DAB1: variants seen among roughly 807,000 people sequenced by gnomAD.
DAB1 encodes disabled homolog 1.
In DAB1, 15 loss-of-function variants were observed where a neutral mutation model predicts 64.6. That is an observed-to-expected ratio of 0.23 (90% confidence interval 0.16 to 0.36). The LOEUF is 0.36. DAB1 is among the 10% of genes least tolerant of loss of function. The pLI is 1.00. For synonymous variants in DAB1, 235 were observed against 251.9 expected, an observed-to-expected ratio of 0.93 and a Z score of 0.64; for missense variants, 596 against 706.7, an observed-to-expected ratio of 0.84 and a Z score of 1.78.
rs146579500 is a variant in DAB1, at chr1:58,018,635, C to T, written n.387+131876G>A. On this transcript the variant is annotated intron_variant and non_coding_transcript_variant, in intron 5 of 20. Transcript: ENST00000485760. ...TGGGGACAAGCTAAACTGAAATTTC[C>T]AGAACTAGGGATTTATTTAACAAAT... 1.5e-3 allele frequency among the ~76,000 whole-genome samples: 222 copies of T among 152,224 alleles called. 1 individual carries two copies. Among genetic ancestry groups the T allele is most frequent in the African/African-American group, 5.2e-3 (214 of 41,540 alleles).
chr1:57,162,929 G>A (rs1489502792), intron 2 of DAB1, among the ~76,000 whole-genome samples: 1 of 152,224 alleles, frequency 6.6e-6, no homozygotes, highest in East Asian at 1.9e-4. Context: ...GGTTTAAGTA[G>A]AATGTGCTGG....
At chr1:58,465,061 C>T (rs776131064) in intron 3 of DAB1, among the ~76,000 whole-genome samples, 25 of 152,212 alleles carry the variant, frequency 1.6e-4, no homozygotes, top group Non-Finnish European at 3.1e-4. Context: ...TGCACACATT[C>T]TCAGCCTGGG....
intron 1 of DAB1, among the ~76,000 whole-genome samples, chr1:57,314,274 T>A (rs1212044439): frequency 6.6e-6 from 1 of 152,268 alleles, no homozygotes; most frequent in African/African-American, 2.4e-5. Flanking sequence ...GGAAACTTTG[T>A]CAAAATTGTC....
chr1:57,268,170 T>C (rs947602087), intron 2 of DAB1, among the ~76,000 whole-genome samples: 1 of 152,258 alleles, frequency 6.6e-6, no homozygotes, highest in South Asian at 2.1e-4. Context: ...AGAATTCTGA[T>C]GCAGGGAACA....
intron 7 of DAB1, among the ~76,000 whole-genome samples, chr1:57,636,121 A>AAC (rs1646053752): frequency 6.7e-6 from 1 of 150,226 alleles, no homozygotes; most frequent in Non-Finnish European, 1.5e-5. Context: ...AAACAAAAAC[A>AAC]AAAAACTGGT....
chr1:58,073,595 A>T (rs75027523), intron 5 of DAB1, among the ~76,000 whole-genome samples: 4,347 of 152,292 alleles, frequency 0.029, 193 homozygotes, highest in African/African-American at 0.099. Context: ...TAGACAGATT[A>T]AATGTTGACC....
intron 7 of DAB1, among the ~76,000 whole-genome samples, chr1:57,648,995 T>TGA (rs1165513630): frequency 6.6e-6 from 1 of 152,170 alleles, no homozygotes; most frequent in East Asian, 1.9e-4. Flanking sequence ...GAATAGGCGT[T>TGA]TTCAATTGTG....
intron 7 of DAB1, among the ~76,000 whole-genome samples, chr1:57,546,103 GCA>G (rs1298024209): frequency 1.9e-4 from 28 of 151,034 alleles, no homozygotes; most frequent in African/African-American, 3.2e-4. Flanking sequence ...GTGTGTGCGC[GCA>G]CGTGTGCATG....
intron 6 of DAB1, among the ~76,000 whole-genome samples, chr1:57,720,682 G>T (rs1647139489): frequency 6.6e-6 from 1 of 152,204 alleles, no homozygotes; most frequent in Non-Finnish European, 1.5e-5. Flanking sequence ...TTGGCACAAT[G>T]CCTGTCACAT....
In DAB1 at chr1:57,178,583, G is replaced by C. The variant is rs552684378; in HGVS notation, c.68-33154C>G. On this transcript the variant is annotated intron_variant, in intron 2 of 14. Coordinates refer to ENST00000371236, the MANE Select transcript of DAB1 (RefSeq NM_001365792.1). ...TTTATGGATAAAACTATAGAGAAAA[G>C]CAAGGAAGTATTATGAAAGACAGGA... is the stretch of plus-strand genomic sequence containing the variant. 6.8e-4 allele frequency among the ~76,000 whole-genome samples: 104 copies of C among 152,246 alleles called. 1 individual carries two copies. Among genetic ancestry groups the C allele is most frequent in the African/African-American group, 2.4e-3 (101 of 41,556 alleles).
At chr1:57,902,099 G>A (rs1320268559) in intron 5 of DAB1, among the ~76,000 whole-genome samples, 7 of 150,618 alleles carry the variant, frequency 4.6e-5, no homozygotes, top group East Asian at 2.0e-4. Context: ...GGAGGTTGCC[G>A]TGAGCCAAGA....
intron 4 of DAB1, among the ~76,000 whole-genome samples, chr1:58,210,811 C>T (rs1658516194): frequency 6.6e-6 from 1 of 152,134 alleles, no homozygotes. Context: ...GAAAATGACT[C>T]ATGACCAAGT....
upstream of DAB1, among the ~76,000 whole-genome samples, chr1:57,885,435 T>C (rs1386697873): frequency 6.6e-6 from 1 of 152,150 alleles, no homozygotes; most frequent in Non-Finnish European, 1.5e-5. Flanking sequence ...TGGCTTATTA[T>C]TGATGGTATA....
intron 12 of DAB1, 53 bp from the exon 13 acceptor site, chr1:57,011,325 T>C (rs1204020778): frequency 1.3e-6 from 2 of 1,593,874 alleles, no homozygotes; most frequent in Admixed American, 1.8e-5. Flanking sequence ...CTGCCATGAA[T>C]GTATCCCAAA....
intron 1 of DAB1, chr1:57,866,942 C>T (rs1246888719): frequency 1.3e-5 from 2 of 152,156 alleles, no homozygotes; most frequent in East Asian, 3.9e-4. Context: ...TGAAATAGCA[C>T]TGGACATGGT....
intron 4 of DAB1, among the ~76,000 whole-genome samples, chr1:58,268,081 G>T (rs586332): frequency 0.015 from 1,194 of 81,546 alleles, 19 homozygotes; most frequent in African/African-American, 0.037. Flanking sequence ...TTCTAATTCT[G>T]CCACTTATGA....
intron 2 of DAB1, among the ~76,000 whole-genome samples, chr1:57,195,150 T>C (rs1664520869): frequency 6.6e-6 from 1 of 152,168 alleles, no homozygotes; most frequent in Non-Finnish European, 1.5e-5. Context: ...ACTGCTGACA[T>C]AGCACTCTTA....
intron 2 of DAB1, among the ~76,000 whole-genome samples, chr1:57,243,755 T>C (rs981304222): frequency 2.0e-5 from 3 of 152,162 alleles, no homozygotes; most frequent in Non-Finnish European, 4.4e-5. Context: ...GCCTACACCA[T>C]GAGACATAAG....
intron 2 of DAB1, among the ~76,000 whole-genome samples, chr1:57,155,133 T>C (rs1660085885): frequency 6.6e-6 from 1 of 152,240 alleles, no homozygotes; most frequent in East Asian, 1.9e-4. Context: ...TTCTCCAATG[T>C]TTTCTTGTAG....
Sources: gnomAD v4.1 joint callset for allele counts (sites outside exome capture counted in the v4.1 genomes callset) on GRCh38, gnomAD v4.1.1 for gene constraint, MANE v1.5 for transcripts, NCBI Gene and HGNC (gene_info 2026-07-23, HGNC 2026-07-21) for gene names.